Variants in ABLIM2 observed in about 807,000 individuals in gnomAD.
The protein encoded by ABLIM2 is actin binding LIM protein family member 2, also known as actin-binding LIM protein 2.
A neutral mutation model predicts 97.7 loss-of-function variants in ABLIM2; 53 were observed. The observed-to-expected ratio is 0.54, with a 90% CI of 0.44 to 0.68. The LOEUF (loss-of-function observed/expected upper bound fraction) is 0.68, where lower values mean the gene tolerates loss of function less well. Among genes scored for constraint, ABLIM2 ranks in the 30% least tolerant of loss-of-function variants. The probability of loss-of-function intolerance (pLI) is 0.00; values close to 1 mark genes in which losing one functional copy is unlikely to be tolerated. For synonymous variants in ABLIM2, 361 were observed against 345.8 expected, an observed-to-expected ratio of 1.04 and a Z score of -0.49; for missense variants, 835 against 867.2, an observed-to-expected ratio of 0.96 and a Z score of 0.47.
At position 8,032,155 on chromosome 4, in the gene ABLIM2, G is replaced by A. The variant is rs369894111; in HGVS notation, c.1048-2379C>T. Among the ~76,000 whole-genome samples, 6 of 151,430 alleles carry A rather than the reference G, an allele frequency of 4.0e-5. 1 individual carries two copies. In the East Asian group the frequency reaches 9.8e-4, roughly 25 times the overall value. ...CACCCGTGCGGCCGCACAGACTGCA[G>A]TCTGATTGGCAGCTCTCTATGTCAC... On this transcript the variant is annotated intron_variant, in intron 10 of 20. Coordinates refer to ENST00000447017, the MANE Select transcript of ABLIM2 (RefSeq NM_001130083.2). This position sits in a 1 kb window ranked among gnomAD's most constrained non-coding sequence, Gnocchi z 4.3.
At chr4:8,134,170 G>A (rs1340203034) in intron 1 of ABLIM2, among the ~76,000 whole-genome samples, 1 of 152,192 alleles carries the variant, frequency 6.6e-6, no homozygotes, top group African/African-American at 2.4e-5. Flanking sequence ...AAAGGCAAGC[G>A]GAGGATGTTG....
At chr4:8,006,977 G>A (rs1253962876) in intron 16 of ABLIM2, 19 of 974,040 alleles carry the variant, frequency 2.0e-5, no homozygotes, top group South Asian at 4.7e-5. Context: ...AGAGGCCTGA[G>A]GGGTGCACAG....
chr4:8,019,909 G>C lies in ABLIM2; in HGVS notation c.1370-238C>G, dbSNP rs1013507599. On this transcript the variant is annotated intron_variant, in intron 13 of 20. Coordinates refer to ENST00000447017, the MANE Select transcript of ABLIM2 (RefSeq NM_001130083.2). This position sits in a 1 kb window ranked among gnomAD's most constrained non-coding sequence, Gnocchi z 4.3. ...GCAGCCAGGAACCTTGTGGTCCCCC[G>C]GGAAGTGTAGCCAGCTCAGACAGCC... is the stretch of plus-strand genomic sequence containing the variant. Among the ~76,000 whole-genome samples the C allele has an allele frequency of 1.3e-5, 2 of 152,158 alleles. No homozygotes were observed. Among genetic ancestry groups the C allele is most frequent in the African/African-American group, 4.8e-5 (2 of 41,430 alleles).
chr4:8,152,665 C>T (rs1019490612), intron 1 of ABLIM2, among the ~76,000 whole-genome samples: 12 of 152,226 alleles, frequency 7.9e-5, no homozygotes, highest in South Asian at 4.1e-4. Flanking sequence ...CTGGGACAGC[C>T]GCGTCCATCA....
In ABLIM2 at chr4:8,105,303, T is replaced by C. The variant is rs935336669; in HGVS notation, c.154+1191A>G. Reference sequence around the variant, plus strand: ...ACACACATATACTTGGTTTTTACTATAAAAAGCCACCTTTTCAAATCGTGT... The same window carrying C: ...ACACACATATACTTGGTTTTTACTACAAAAAGCCACCTTTTCAAATCGTGT... On this transcript the variant is annotated intron_variant, in intron 2 of 20. Coordinates refer to ENST00000447017, the MANE Select transcript of ABLIM2 (RefSeq NM_001130083.2). 6.6e-5 allele frequency among the ~76,000 whole-genome samples: 10 copies of C among 152,344 alleles called. No homozygotes were observed. In the East Asian group the frequency reaches 1.7e-3, roughly 26 times the overall value.
At chr4:8,006,167 G>A (rs545586525) in intron 16 of ABLIM2, among the ~76,000 whole-genome samples, 28 of 152,334 alleles carry the variant, frequency 1.8e-4, no homozygotes, top group East Asian at 1.4e-3. Context: ...ATTTTCAAAC[G>A]AGGAAGCAGT....
Position 8,009,087 on chromosome 4 carries a change from T to A in ABLIM2, c.1439A>T (p.Asp480Val), listed in dbSNP as rs746944425. Reference protein sequence around the residue: ...IYRQHAARRSDGEDGSLDQDN... With the variant: ...IYRQHAARRSVGEDGSLDQDN... ...CTGGTCCAAGCTTCCATCCTCCCCA[T>A]CCGATCGCCTGGCAGCTGGAAGGGA... Residue 480 changes from aspartate (D) to valine (V), a missense_variant, in exon 15 of 21, where the codon GAT (aspartate) becomes GTT (valine). Asp to Val is a radical substitution (Grantham distance 152). Coordinates refer to ENST00000447017, the MANE Select transcript of ABLIM2 (RefSeq NM_001130083.2). The A allele has an allele frequency of 5.6e-6, 9 of 1,613,864 alleles. No individual in the cohort carries two copies. In the South Asian group the frequency reaches 9.9e-5, roughly 18 times the overall value.
chr4:8,143,932 C>T (rs1357727847), intron 1 of ABLIM2, among the ~76,000 whole-genome samples: 2 of 152,068 alleles, frequency 1.3e-5, no homozygotes, highest in East Asian at 1.9e-4. Context: ...TTGGTCTCCT[C>T]GGGGAGCGGC....
intron 20 of ABLIM2, among the ~76,000 whole-genome samples, chr4:7,972,689 C>T (rs991321839): frequency 4.6e-5 from 7 of 152,202 alleles, no homozygotes; most frequent in Non-Finnish European, 1.0e-4. Context: ...TCCTGGCCTA[C>T]GAGGCCCCTG....
intron 20 of ABLIM2, among the ~76,000 whole-genome samples, chr4:7,980,523 T>C (rs981992890): frequency 6.6e-6 from 1 of 152,118 alleles, no homozygotes; most frequent in African/African-American, 2.4e-5. Flanking sequence ...GAGAACAGCC[T>C]GGCCAACGTG....
chr4:8,139,970 G>T (rs1490409565), intron 1 of ABLIM2, among the ~76,000 whole-genome samples: 1 of 152,062 alleles, frequency 6.6e-6, no homozygotes, highest in Non-Finnish European at 1.5e-5. Flanking sequence ...GATAGAACTG[G>T]AAGCCATTAT....
At chr4:8,158,299 G>T (rs1216340183) in intron 1 of ABLIM2, among the ~76,000 whole-genome samples, 1 of 152,224 alleles carries the variant, frequency 6.6e-6, no homozygotes, top group African/African-American at 2.4e-5. Flanking sequence ...ACCTCTGCGT[G>T]CCTAGGTCTG....
At chr4:8,080,976 T>C (rs201899442) in intron 4 of ABLIM2, among the ~76,000 whole-genome samples, 174 bp from the exon 5 acceptor site, 1 of 152,046 alleles carries the variant, frequency 6.6e-6, no homozygotes, top group East Asian at 1.9e-4. Flanking sequence ...CTCTGGAGCA[T>C]AGGGAAGGCA....
intron 6 of ABLIM2, among the ~76,000 whole-genome samples, chr4:8,062,375 G>A (rs951881110): frequency 2.6e-5 from 4 of 152,184 alleles, no homozygotes; most frequent in African/African-American, 7.2e-5. Flanking sequence ...GCCCCAGAAT[G>A]TGGGTGAAAC....
intron 1 of ABLIM2, among the ~76,000 whole-genome samples, chr4:8,145,356 G>A (rs905575909): frequency 1.3e-5 from 2 of 151,962 alleles, no homozygotes; most frequent in African/African-American, 2.4e-5. Context: ...GCTAATTTTT[G>A]TATTTTTAGT....
At chr4:8,039,615 T>G in intron 9 of ABLIM2, among the ~76,000 whole-genome samples, 1 of 152,194 alleles carries the variant, frequency 6.6e-6, no homozygotes, top group South Asian at 2.1e-4. Flanking sequence ...TAATACACAC[T>G]AATATGGCCA....
At chr4:7,981,929 G>A (rs1713896634) in intron 20 of ABLIM2, among the ~76,000 whole-genome samples, 1 of 152,296 alleles carries the variant, frequency 6.6e-6, no homozygotes, top group African/African-American at 2.4e-5. Context: ...TGTAGCACCT[G>A]CTCCCTGCCA....
chr4:7,990,827 C>G (rs1215592379), intron 17 of ABLIM2, among the ~76,000 whole-genome samples: 1 of 152,046 alleles, frequency 6.6e-6, no homozygotes, highest in Non-Finnish European at 1.5e-5. Flanking sequence ...AAAGGCATAA[C>G]AGTACATAAA....
At chr4:8,104,690 C>T (rs986446213) in intron 2 of ABLIM2, among the ~76,000 whole-genome samples, 1 of 152,154 alleles carries the variant, frequency 6.6e-6, no homozygotes, top group African/African-American at 2.4e-5. Context: ...CTGAGCTCAG[C>T]GTCTTCCCTA....
Sources: allele counts gnomAD v4.1 joint callset (sites outside exome capture counted in the v4.1 genomes callset), GRCh38; gene constraint gnomAD v4.1.1; non-coding constraint Gnocchi (gnomAD v3.1); transcripts MANE v1.5; gene names NCBI Gene and HGNC (gene_info 2026-07-23, HGNC 2026-07-21).